The following LRRK1 variants were observed in gnomAD, a reference collection of about 807,000 sequenced individuals.
LRRK1 encodes the protein leucine-rich repeat serine/threonine-protein kinase 1.
A neutral mutation model predicts 209.1 loss-of-function variants in LRRK1; 113 were observed. That is an observed-to-expected ratio of 0.54 (90% CI 0.46 to 0.63). The LOEUF is 0.63. Among genes scored for constraint, LRRK1 ranks in the 30% least tolerant of loss-of-function variants. LRRK1 has a pLI of 0.00. For synonymous variants in LRRK1, 1,144 were observed against 1,099.7 expected, an observed-to-expected ratio of 1.04 and a Z score of -0.80; for missense variants, 2,284 against 2,632.2, an observed-to-expected ratio of 0.87 and a Z score of 2.89.
At chr15:100,974,557 C>T (rs559841549) in intron 3 of LRRK1, among the ~76,000 whole-genome samples, 79 of 152,272 alleles carry the variant, frequency 5.2e-4, no homozygotes, top group African/African-American at 1.7e-3. Flanking sequence ...TCCTTGTAGG[C>T]GTCTCCTTCA....
chr15:101,011,474 C>CA (rs35220453), intron 9 of LRRK1, among the ~76,000 whole-genome samples: 1,381 of 77,884 alleles, frequency 0.018, 24 homozygotes, highest in African/African-American at 0.056. Context: ...GACTCTGTCT[C>CA]AAAAAAAAAA....
At chr15:101,046,181 A>C (rs1302853439) in intron 21 of LRRK1, 29 bp downstream of exon 21, 17 of 1,607,304 alleles carry the variant, frequency 1.1e-5, no homozygotes, top group African/African-American at 1.3e-5. Context: ...CTGCATAGAC[A>C]GATGCCCGAG....
In LRRK1 at chr15:100,973,975, A is replaced by AGC; in HGVS notation, c.261+11_261+12dup. 8.0e-7 allele frequency: 1 copy of AGC among 1,246,336 alleles called. No homozygotes were observed. Among genetic ancestry groups the AGC allele is most frequent in the Non-Finnish European group, 1.0e-6 (1 of 989,790 alleles). 77.2% of individuals were successfully genotyped at this position (1,246,336 alleles called of 1,614,324 possible). ...GCGTCCCAGCTGGAAAAGGTAGGGG[A>AGC]GCGCCTGCCCCTGCGGCCACCCATG... On this transcript the variant is annotated intron_variant, in intron 3 of 33. Transcript: ENST00000388948.
chr15:100,970,879 C>T (rs191695284), intron 2 of LRRK1, among the ~76,000 whole-genome samples: 24 of 152,180 alleles, frequency 1.6e-4, no homozygotes, highest in Admixed American at 2.6e-4. Flanking sequence ...ATGTTTTCAG[C>T]GTACAGATCT....
rs745502098 is a variant in LRRK1, at chr15:100,924,752, G to A, written c.97+23G>A. Reference sequence around the variant, plus strand: ...ACGGTAAGGACAGGGCTGTGCTTATGCCTGCCTGGGTGTGACCTGCCATGC... The same window carrying A: ...ACGGTAAGGACAGGGCTGTGCTTATACCTGCCTGGGTGTGACCTGCCATGC... On this transcript the variant is annotated intron_variant, in intron 2 of 33. Coordinates refer to ENST00000388948, the MANE Select transcript of LRRK1 (RefSeq NM_024652.6). 8 of 1,581,012 alleles carry A rather than the reference G, an allele frequency of 5.1e-6. No homozygotes were observed. The East Asian group carries it at 1.6e-4, about 31-fold the overall frequency.
In LRRK1 at chr15:100,990,818, G is replaced by C. The variant is rs1339656592; in HGVS notation, c.762+1420G>C. Among the ~76,000 whole-genome samples, 5 of 139,366 alleles carry C rather than the reference G, an allele frequency of 3.6e-5. No individual in the cohort carries two copies. In the South Asian group the frequency reaches 6.8e-4, roughly 19 times the overall value. The allele number at this position is 139,366 out of a possible 152,430, so 91.4% of individuals were successfully genotyped here. A position where few individuals can be genotyped will look rare whatever the true frequency, so the allele number is the denominator to read the frequency against. On this transcript the variant is annotated intron_variant, in intron 6 of 33. Transcript: ENST00000388948. Reference sequence around the variant, plus strand: ...TATTTTTCTTTTTTTGTTATCTTTTGTGATAGCAAAGGTAAAATAATACAT... The same window carrying C: ...TATTTTTCTTTTTTTGTTATCTTTTCTGATAGCAAAGGTAAAATAATACAT...
chr15:101,011,994 C>T lies in LRRK1; in HGVS notation c.1282-14C>T, dbSNP rs374899099. 95 of 1,569,592 alleles carry T rather than the reference C, an allele frequency of 6.1e-5. No homozygotes were observed. Among genetic ancestry groups the T allele is most frequent in the Admixed American group, 1.6e-4 (8 of 49,356 alleles). The stretch of plus-strand genomic sequence containing the variant: ...CTAACTAATATACATTTTTTTTTCT[C>T]GTCAATCTCTTAGAAATGTTGTAAA... On this transcript the variant is annotated splice_polypyrimidine_tract_variant and intron_variant, in intron 9 of 33. Coordinates refer to ENST00000388948, the MANE Select transcript of LRRK1 (RefSeq NM_024652.6).
rs997461089 is a variant in LRRK1 at position 101,074,100 on chromosome 15, A to G, written c.*5252A>G. 6 of 152,206 alleles carry G rather than the reference A, an allele frequency of 3.9e-5. No individual in the cohort carries two copies. The highest frequency in any genetic ancestry group is 1.9e-4 in the East Asian group (1 of 5,178). 9.4% of individuals were successfully genotyped at this position (152,206 alleles called of 1,614,324 possible). On this transcript the variant is annotated 3_prime_UTR_variant, in exon 34 of 34. Transcript: ENST00000388948. ...CTAGTCTCTGTTCCCAGTGCAACTC[A>G]TCCCAAATCTTCCTTCTTTCCCTCC...
At chr15:101,011,002 G>T (rs1443010144) in intron 9 of LRRK1, among the ~76,000 whole-genome samples, 165 bp downstream of exon 9, 1 of 152,116 alleles carries the variant, frequency 6.6e-6, no homozygotes, top group Non-Finnish European at 1.5e-5. Context: ...ATACAGCGAG[G>T]CTGTGTCCCA....
intron 26 of LRRK1, among the ~76,000 whole-genome samples, chr15:101,054,529 A>T (rs1045868579): frequency 6.6e-6 from 1 of 152,264 alleles, no homozygotes; most frequent in Non-Finnish European, 1.5e-5. Flanking sequence ...TCTAAGGGCC[A>T]GGCGCAGTGG....
chr15:101,012,206 G>A (rs2033286422), intron 10 of LRRK1, 61 bp downstream of exon 10: 2 of 1,386,078 alleles, frequency 1.4e-6, no homozygotes, highest in African/African-American at 1.5e-5. Flanking sequence ...GCTCCGTGTT[G>A]CAGTGAAATG....
chr15:101,048,018 AG>A (rs1447455249), intron 21 of LRRK1, among the ~76,000 whole-genome samples: 3 of 152,178 alleles, frequency 2.0e-5, no homozygotes, highest in African/African-American at 7.2e-5. Context: ...TTAATGGCAT[AG>A]GAAAGGTGGG....
intron 6 of LRRK1, among the ~76,000 whole-genome samples, chr15:100,997,908 G>T (rs562064939): frequency 6.6e-6 from 1 of 152,184 alleles, no homozygotes; most frequent in African/African-American, 2.4e-5. Flanking sequence ...TGCTGGGTGC[G>T]GTGGCTCACG....
chr15:100,920,054 C>CAACT (rs1187712995), intron 1 of LRRK1: 4 of 152,512 alleles, frequency 2.6e-5, no homozygotes, highest in Non-Finnish European at 5.9e-5. Flanking sequence ...GGCGCAGATA[C>CAACT]AACTGCTCTG....
chr15:101,056,745 ATGTT>A (rs545956370), intron 27 of LRRK1, 107 bp from the exon 28 acceptor site: 1,273 of 784,300 alleles, frequency 1.6e-3, no homozygotes, highest in Non-Finnish European at 2.3e-3. Flanking sequence ...GGTTTGTTGA[ATGTT>A]TGTTTTCCTT....
intron 6 of LRRK1, among the ~76,000 whole-genome samples, chr15:101,001,236 A>G (rs2032669499): frequency 6.6e-6 from 1 of 152,074 alleles, no homozygotes; most frequent in Admixed American, 6.5e-5. Flanking sequence ...TGATGGTCTG[A>G]GTTCCCAGAG....
intron 12 of LRRK1, among the ~76,000 whole-genome samples, chr15:101,017,910 T>TA (rs1286228438): frequency 6.6e-6 from 1 of 151,654 alleles, no homozygotes; most frequent in Non-Finnish European, 1.5e-5. Context: ...GGTTTAAGTA[T>TA]AAAAAAAGAA....
rs2035215887 is a variant in LRRK1, at chr15:101,048,573, GC to G, written c.3216del (p.Cys1073ValfsTer6). The G allele has an allele frequency of 6.3e-7, 1 of 1,587,904 alleles. No homozygotes were observed. The highest frequency in any genetic ancestry group is 1.4e-5 in the African/African-American group (1 of 72,812). On this transcript the variant is annotated frameshift_variant, in exon 22 of 34. Transcript: ENST00000388948. LOFTEE classifies it high-confidence loss of function. ...IYSFTGNQRN[R>X]CSTFRVKRNQ... The stretch of plus-strand genomic sequence containing the variant: ...AGTTTTACAGGAAACCAGAGAAATC[GC>G]TGTAGCACATTCAGAGTGAAAAGAA...
At chr15:100,963,828 T>A (rs1184026158) in intron 2 of LRRK1, among the ~76,000 whole-genome samples, 1 of 152,208 alleles carries the variant, frequency 6.6e-6, no homozygotes, top group African/African-American at 2.4e-5. Context: ...CCCACACTCA[T>A]GACAGCAAGG....
Sources: allele counts gnomAD v4.1 joint callset (sites outside exome capture counted in the v4.1 genomes callset), GRCh38; gene constraint gnomAD v4.1.1; transcripts MANE v1.5; gene names NCBI Gene and HGNC (gene_info 2026-07-23, HGNC 2026-07-21).